Variants in ZNF7 observed in about 807,000 individuals in gnomAD.
The protein encoded by ZNF7 is zinc finger protein 7.
ZNF7 carries 10 observed loss-of-function variants against 12.0 expected under a neutral mutation model. That is an observed-to-expected ratio of 0.83 (90% CI 0.51 to 1.42). The LOEUF is 1.42. Among genes scored for constraint, ZNF7 ranks in the 40% most tolerant of loss-of-function variants. The pLI is 0.00. For synonymous variants in ZNF7, 334 were observed against 295.0 expected, an observed-to-expected ratio of 1.13 and a Z score of -1.35; for missense variants, 854 against 837.2, an observed-to-expected ratio of 1.02 and a Z score of -0.25.
Position 144,843,183 on chromosome 8 carries a change from A to G in ZNF7, c.*15A>G. On this transcript the variant is annotated 3_prime_UTR_variant, in exon 5 of 5. Transcript: ENST00000532777. ...ACATGGGATAGACCACTTACATATAAATGTGTATATATGTGAATAAACCTA... is the reference window on the plus strand; with the variant it reads ...ACATGGGATAGACCACTTACATATAGATGTGTATATATGTGAATAAACCTA... The G allele has an allele frequency of 6.4e-7, 1 of 1,553,038 alleles. No individual in the cohort carries two copies. Among genetic ancestry groups the G allele is most frequent in the East Asian group, 2.2e-5 (1 of 44,500 alleles).
In ZNF7 at chr8:144,843,456, C is replaced by A. The variant is rs567120712; in HGVS notation, c.*288C>A. 10 of 247,342 alleles carry A rather than the reference C, an allele frequency of 4.0e-5. No homozygotes were observed. The East Asian group carries it at 8.7e-4, about 22-fold the overall frequency. 15.3% of individuals were successfully genotyped at this position (247,342 alleles called of 1,614,324 possible). On this transcript the variant is annotated 3_prime_UTR_variant, in exon 5 of 5. Transcript: ENST00000532777. ...ACAAAAATTTAGCTGGGCGTGGTGG[C>A]AGGCACCTGTGGTCCCAGCTGCTCG...
chr8:144,840,287 C>CT (rs1829709836), intron 4 of ZNF7, among the ~76,000 whole-genome samples: 1 of 152,202 alleles, frequency 6.6e-6, no homozygotes, highest in African/African-American at 2.4e-5. Flanking sequence ...GTTGAAAGGG[C>CT]TTCCTGCTCT....
intron 2 of ZNF7, 89 bp downstream of exon 2, chr8:144,829,179 C>T (rs969165581): frequency 1.9e-6 from 3 of 1,598,276 alleles, no homozygotes; most frequent in African/African-American, 1.3e-5. Context: ...CAGACCCTAC[C>T]TTGGCCCTTG....
At chr8:144,831,180 CA>C (rs1828406922) in intron 3 of ZNF7, among the ~76,000 whole-genome samples, 1 of 152,236 alleles carries the variant, frequency 6.6e-6, no homozygotes, top group Admixed American at 6.5e-5. Context: ...GAATTGCAGT[CA>C]TTCCCCCAGC....
At chr8:144,845,974 T>C, downstream of ZNF7, 1 of 1,535,764 alleles carries the variant, frequency 6.5e-7, no homozygotes, top group Non-Finnish European at 8.7e-7. Context: ...TTTTCTCTAC[T>C]TCAGGCTTTC....
rs1830210115 is a variant in ZNF7 at position 144,843,258 on chromosome 8, G to A, written c.*90G>A. The A allele has an allele frequency of 4.3e-6, 6 of 1,402,764 alleles. No individual in the cohort carries two copies. The highest frequency in any genetic ancestry group is 2.9e-5 in the African/African-American group (2 of 69,408). The allele number at this position is 1,402,764 out of a possible 1,614,324, so 86.9% of individuals were successfully genotyped here. ...TGGAATCGTTTATACTGACAAACATGTAGAATGTTGGTAAAGGTTCAGAAT... is the reference window on the plus strand; with the variant it reads ...TGGAATCGTTTATACTGACAAACATATAGAATGTTGGTAAAGGTTCAGAAT... On this transcript the variant is annotated 3_prime_UTR_variant, in exon 5 of 5. Transcript: ENST00000532777.
At chr8:144,847,505 C>G (rs1015113743), downstream of ZNF7, 1 of 152,188 alleles carries the variant, frequency 6.6e-6, no homozygotes, top group Non-Finnish European at 1.5e-5. Context: ...AAATCTATAA[C>G]CTAGGCCTGG....
At chr8:144,829,198 A>T in intron 2 of ZNF7, 108 bp downstream of exon 2, 1 of 1,583,584 alleles carries the variant, frequency 6.3e-7, no homozygotes. Flanking sequence ...TGCTGGGCTT[A>T]GGAAGGCCCC....
At chr8:144,834,553 A>AT (rs1437512792) in intron 3 of ZNF7, 2 of 151,928 alleles carry the variant, frequency 1.3e-5, no homozygotes, top group African/African-American at 4.8e-5. Context: ...GAGACACGTG[A>AT]TTTATTTTCT....
At chr8:144,828,872 C>T in intron 1 of ZNF7, 171 bp from the exon 2 acceptor site, 1 of 750,066 alleles carries the variant, frequency 1.3e-6, no homozygotes, top group Non-Finnish European at 2.2e-6. Flanking sequence ...AACAAGAGTT[C>T]AGTGGGCCTC....
At chr8:144,845,848 G>A (rs1385712309), downstream of ZNF7, 5 of 826,068 alleles carry the variant, frequency 6.1e-6, no homozygotes, top group Non-Finnish European at 9.3e-6. Context: ...CTGTGCACGT[G>A]GAGTATGTGT....
Position 144,842,186 on chromosome 8 carries a change from G to A in ZNF7, c.1079G>A (p.Arg360Lys). Residue 360 changes from arginine to lysine, a missense_variant, in exon 5 of 5, where the codon AGG (arginine) becomes AAG (lysine). Arg to Lys is a conservative substitution (Grantham distance 26). Transcript: ENST00000532777. ...CACCAGAGAACTCACACTGGGGAGA[G>A]GCCCTACCCTTGCAAGGAGTGTGGG... ...VRHQRTHTGE[R>K]PYPCKECGKA... 6.2e-7 allele frequency: 1 copy of A among 1,613,626 alleles called. No individual in the cohort carries two copies. The highest frequency in any genetic ancestry group is 8.5e-7 in the Non-Finnish European group (1 of 1,179,882).
rs540145430 is a variant in ZNF7 at position 144,843,566 on chromosome 8, T to C, written c.*398T>C. Reference sequence around the variant, plus strand: ...TCGCGCCACTGCACTCCAGCCTGGGTGACAGAGTGAGACTCCCTCTCAAAA... The same window carrying C: ...TCGCGCCACTGCACTCCAGCCTGGGCGACAGAGTGAGACTCCCTCTCAAAA... On this transcript the variant is annotated 3_prime_UTR_variant, in exon 5 of 5. Coordinates refer to ENST00000532777, the MANE Select transcript of ZNF7 (RefSeq NM_003416.4). The C allele has an allele frequency of 6.3e-3, 795 of 126,942 alleles. 11 individuals carry two copies. Among genetic ancestry groups the C allele is most frequent in the Middle Eastern group, 0.053 (10 of 190 alleles). 7.9% of individuals were successfully genotyped at this position (126,942 alleles called of 1,614,324 possible).
At chr8:144,844,737 C>CAAAA (rs1830412636), downstream of ZNF7, among the ~76,000 whole-genome samples, 1 of 93,658 alleles carries the variant, frequency 1.1e-5, no homozygotes, top group African/African-American at 4.3e-5. Context: ...AAAAAAAAAA[C>CAAAA]GAAAATGGGA....
intron 2 of ZNF7, 37 bp from the exon 3 acceptor site, chr8:144,829,441 C>T: frequency 1.2e-6 from 2 of 1,612,956 alleles, no homozygotes; most frequent in Non-Finnish European, 1.7e-6. Flanking sequence ...GGGCTGGCAC[C>T]CAGGGATTCC....
rs1245500844 is a variant in ZNF7, at chr8:144,841,538, C to G, written c.431C>G (p.Thr144Arg). The G allele has an allele frequency of 3.1e-6, 5 of 1,614,054 alleles. No individual in the cohort carries two copies. The Admixed American group carries it at 6.7e-5, about 22-fold the overall frequency. The stretch of plus-strand genomic sequence containing the variant: ...CTGGGCAGTCCCGGGCTGAAAGTGA[C>G]AGGCTTTACCTTCCAAAATAACTGT... ...SHLGSPGLKV[T>R]GFTFQNNCLN... Residue 144 changes from threonine to arginine, a missense_variant, in exon 5 of 5, where the codon ACA (threonine) becomes AGA (arginine). Physicochemically the swap from Thr to Arg is moderately conservative, Grantham distance 71. Coordinates refer to ENST00000532777, the MANE Select transcript of ZNF7 (RefSeq NM_003416.4).
intron 4 of ZNF7, chr8:144,838,228 T>A (rs1586816759): frequency 1.5e-6 from 1 of 680,200 alleles, no homozygotes; most frequent in East Asian, 2.7e-5. Context: ...GCCATCTCCT[T>A]AGAAGGACAC....
At chr8:144,832,691 G>T (rs1399356310) in intron 3 of ZNF7, among the ~76,000 whole-genome samples, 1 of 152,182 alleles carries the variant, frequency 6.6e-6, no homozygotes, top group East Asian at 1.9e-4. Flanking sequence ...TCACACCAGT[G>T]CACTCCAGCC....
At position 144,842,236 on chromosome 8, in the gene ZNF7, C is replaced by T. The variant is rs1216026152; in HGVS notation, c.1129C>T (p.Leu377=). ...GAAGGCCTTCAGCCAGAGCTCCACC[C>T]TAGCCCAGCATCAAAGGATGCATAC... ...CGKAFSQSST[L]AQHQRMHTGE... Residue 377 remains leucine, a synonymous_variant, in exon 5 of 5, where the codon CTA becomes TTA. Transcript: ENST00000532777. 1 of 1,614,176 alleles carries T rather than the reference C, an allele frequency of 6.2e-7. No homozygotes were observed. Among genetic ancestry groups the T allele is most frequent in the Non-Finnish European group, 8.5e-7 (1 of 1,180,036 alleles).
Sources: allele counts gnomAD v4.1 joint callset (sites outside exome capture counted in the v4.1 genomes callset), GRCh38; gene constraint gnomAD v4.1.1; transcripts MANE v1.5; gene names NCBI Gene and HGNC (gene_info 2026-07-23, HGNC 2026-07-21).